TRPC7: variants seen among roughly 807,000 people sequenced by gnomAD.
The protein encoded by TRPC7 is short transient receptor potential channel 7.
Under a neutral mutation model 90.1 loss-of-function variants are expected in TRPC7, and 42 were observed. The observed-to-expected ratio is 0.47, with a 90% CI of 0.36 to 0.60. The LOEUF is 0.60. Among genes scored for constraint, TRPC7 ranks in the 20% least tolerant of loss-of-function variants. The pLI, the probability that TRPC7 is intolerant of heterozygous loss-of-function variation, is 0.00. For missense variants in TRPC7, 955 were observed against 1,112.3 expected (o/e 0.86, Z 2.01); for synonymous variants, 451 against 436.3 (o/e 1.03, Z -0.42).
At chr5:136,350,119 T>C (rs1467113043) in intron 2 of TRPC7, among the ~76,000 whole-genome samples, 1 of 152,214 alleles carries the variant, frequency 6.6e-6, no homozygotes, top group Non-Finnish European at 1.5e-5. Flanking sequence ...GTTCACACAG[T>C]GATGAAATTG....
intron 3 of TRPC7, among the ~76,000 whole-genome samples, chr5:136,295,880 C>T (rs890827075): frequency 6.6e-6 from 1 of 152,186 alleles, no homozygotes; most frequent in Non-Finnish European, 1.5e-5. Flanking sequence ...CCTTTAGGCC[C>T]TCATCACTTC....
intron 3 of TRPC7, among the ~76,000 whole-genome samples, chr5:136,302,345 C>T (rs1333623207): frequency 3.9e-5 from 6 of 152,196 alleles, no homozygotes; most frequent in Non-Finnish European, 7.3e-5. Context: ...CCCTTAGGGG[C>T]AAGTCCCGCT....
At chr5:136,360,137 T>A (rs915077637) in intron 1 of TRPC7, among the ~76,000 whole-genome samples, 2 of 152,204 alleles carry the variant, frequency 1.3e-5, no homozygotes, top group African/African-American at 4.8e-5. Context: ...GGAAATTTAA[T>A]GACTACTGAA....
At chr5:136,223,260 G>T (rs1435220201) in intron 10 of TRPC7, among the ~76,000 whole-genome samples, 5 of 152,246 alleles carry the variant, frequency 3.3e-5, no homozygotes, top group African/African-American at 1.2e-4. Context: ...ATTCAAGGCA[G>T]TATGGACTCA....
chr5:136,301,524 C>A (rs556620347), intron 3 of TRPC7, among the ~76,000 whole-genome samples: 1 of 151,924 alleles, frequency 6.6e-6, no homozygotes, highest in South Asian at 2.1e-4. Flanking sequence ...TTCTGCCCCA[C>A]CCTAACTGAT....
intron 2 of TRPC7, among the ~76,000 whole-genome samples, chr5:136,332,703 G>A (rs192496223): frequency 6.6e-6 from 1 of 152,316 alleles, no homozygotes; most frequent in East Asian, 1.9e-4. Flanking sequence ...CTAAGGTTTT[G>A]GCTTGAGCAA....
At chr5:136,292,879 G>A (rs1448362870) in intron 3 of TRPC7, among the ~76,000 whole-genome samples, 1 of 152,142 alleles carries the variant, frequency 6.6e-6, no homozygotes, top group Admixed American at 6.5e-5. Context: ...GATGAACATT[G>A]ATGCAAAAAT....
In TRPC7 at chr5:136,357,315, C is replaced by T. The variant is rs745732958; in HGVS notation, c.73G>A (p.Ala25Thr). 5.6e-6 allele frequency: 9 copies of T among 1,608,770 alleles called. No homozygotes were observed. Among genetic ancestry groups the T allele is most frequent in the Non-Finnish European group, 7.6e-6 (9 of 1,179,864 alleles). ...TTLREKGRRQ[A>T]IRGPAYMFNE... ...AACATGTAGGCGGGACCCCGGATGG[C>T]CTGGCGACGGCCCTTCTCCCTCAGC... is the stretch of plus-strand genomic sequence containing the variant. Residue 25 changes from alanine to threonine, a missense_variant, in exon 2 of 12, where the codon GCC becomes ACC. Coordinates refer to ENST00000513104, the MANE Select transcript of TRPC7 (RefSeq NM_020389.3).
At chr5:136,333,916 G>T (rs1249110875) in intron 2 of TRPC7, among the ~76,000 whole-genome samples, 1 of 152,170 alleles carries the variant, frequency 6.6e-6, no homozygotes, top group Non-Finnish European at 1.5e-5. Flanking sequence ...ATATGTTACA[G>T]TGTTTAAATC....
chr5:136,314,655 GCACAAATTAAGACACA>G (rs1323793060), intron 3 of TRPC7, among the ~76,000 whole-genome samples: 1 of 152,102 alleles, frequency 6.6e-6, no homozygotes, highest in Non-Finnish European at 1.5e-5. Context: ...GTTGTTGAAG[GCACAAATTAAGACACA>G]CACAAATTAA....
At chr5:136,287,106 G>T (rs1162009476) in intron 3 of TRPC7, among the ~76,000 whole-genome samples, 2 of 152,130 alleles carry the variant, frequency 1.3e-5, no homozygotes, top group African/African-American at 4.8e-5. Context: ...TCGCCTCGCT[G>T]GACCCCATCT....
intron 4 of TRPC7, among the ~76,000 whole-genome samples, chr5:136,267,916 A>G (rs1011572356): frequency 1.3e-5 from 2 of 152,222 alleles, no homozygotes; most frequent in Admixed American, 1.3e-4. Flanking sequence ...ACATTTCTGT[A>G]TAATGTTTAT....
chr5:136,349,119 C>T (rs1050648536), intron 2 of TRPC7, among the ~76,000 whole-genome samples: 4 of 120,080 alleles, frequency 3.3e-5, no homozygotes, highest in Non-Finnish European at 2.0e-5. Flanking sequence ...AGGATCTCTG[C>T]CTGCCCATTT....
chr5:136,360,618 A>C (rs1383506345), intron 1 of TRPC7, among the ~76,000 whole-genome samples: 2 of 152,210 alleles, frequency 1.3e-5, no homozygotes, highest in Non-Finnish European at 2.9e-5. Flanking sequence ...TTAAAACCTC[A>C]GCCTTGAAAA....
intron 7 of TRPC7, among the ~76,000 whole-genome samples, chr5:136,237,661 A>G (rs983716742): frequency 6.6e-6 from 1 of 152,238 alleles, no homozygotes; most frequent in African/African-American, 2.4e-5. Context: ...ATGGGAAAAC[A>G]GTAATCTCCA....
intron 3 of TRPC7, among the ~76,000 whole-genome samples, chr5:136,300,312 C>G (rs866952108): frequency 1.3e-5 from 2 of 152,272 alleles, no homozygotes; most frequent in South Asian, 2.1e-4. Context: ...GTTGAGCTGG[C>G]AGGGTGTGGA....
rs186130478 is a variant in TRPC7 at position 136,213,113 on chromosome 5, C to T, written c.*322G>A. Among the ~76,000 whole-genome samples the T allele has an allele frequency of 1.2e-4, 18 of 152,284 alleles. No homozygotes were observed. Among genetic ancestry groups the T allele is most frequent in the African/African-American group, 3.6e-4 (15 of 41,544 alleles). Reference sequence around the variant, plus strand: ...TGCAGTGGGAGGGCACAGGTGTGCACCCAAGATGGCCTTTTCCTGCTCTGG... The same window carrying T: ...TGCAGTGGGAGGGCACAGGTGTGCATCCAAGATGGCCTTTTCCTGCTCTGG... On this transcript the variant is annotated 3_prime_UTR_variant, in exon 12 of 12. Transcript: ENST00000513104.
intron 3 of TRPC7, among the ~76,000 whole-genome samples, chr5:136,287,326 C>A (rs1020006144): frequency 6.6e-6 from 1 of 151,498 alleles, no homozygotes; most frequent in Non-Finnish European, 1.5e-5. Flanking sequence ...CACATGCAGG[C>A]TTTTTGGGGG....
At chr5:136,282,513 G>T (rs1464689926) in intron 3 of TRPC7, among the ~76,000 whole-genome samples, 2 of 151,940 alleles carry the variant, frequency 1.3e-5, no homozygotes, top group African/African-American at 4.8e-5. Flanking sequence ...TGCTGATGTA[G>T]GTGTAACATC....
Sources: allele counts gnomAD v4.1 joint callset (sites outside exome capture counted in the v4.1 genomes callset), GRCh38; gene constraint gnomAD v4.1.1; transcripts MANE v1.5; gene names NCBI Gene and HGNC (gene_info 2026-07-23, HGNC 2026-07-21).